AAK1: variants seen among roughly 807,000 people sequenced by gnomAD.
AAK1 encodes the protein AP2-associated protein kinase 1.
A neutral mutation model predicts 116.0 loss-of-function variants in AAK1; 37 were observed. That is an observed-to-expected ratio of 0.32 (90% CI 0.25 to 0.42). The LOEUF (loss-of-function observed/expected upper bound fraction) is 0.42. Ranked by LOEUF, AAK1 falls within the 10% of genes least tolerant of loss-of-function variation. AAK1 has a pLI of 1.00. For synonymous variants in AAK1, 458 were observed against 439.9 expected (o/e 1.04, Z -0.51); for missense variants, 919 against 1,170.6 (o/e 0.79, Z 3.14).
chr2:69,640,055 T>A (rs10168269), intron 2 of AAK1, among the ~76,000 whole-genome samples: 1,701 of 90,090 alleles, frequency 0.019, 14 homozygotes, highest in East Asian at 0.069. Context: ...ACACACACAC[T>A]CTCTCTCTCT....
chr2:69,600,807 T>C (rs575152586), intron 2 of AAK1, among the ~76,000 whole-genome samples: 1 of 152,306 alleles, frequency 6.6e-6, no homozygotes, highest in East Asian at 1.9e-4. Flanking sequence ...CTTCCTCTTC[T>C]TCATGAAAGG....
chr2:69,503,377 GT>G (rs1185439509), intron 16 of AAK1, among the ~76,000 whole-genome samples: 1 of 152,154 alleles, frequency 6.6e-6, no homozygotes, highest in Non-Finnish European at 1.5e-5. Flanking sequence ...TCTACATCTT[GT>G]AAAGAATACT....
intron 16 of AAK1, among the ~76,000 whole-genome samples, chr2:69,497,276 G>T (rs970168523): frequency 6.2e-5 from 9 of 146,014 alleles, no homozygotes; most frequent in Non-Finnish European, 8.9e-5. Flanking sequence ...ACCACCACAT[G>T]CAGCTTTACA....
chr2:69,538,523 T>G (rs1670571269), intron 5 of AAK1, among the ~76,000 whole-genome samples: 1 of 152,162 alleles, frequency 6.6e-6, no homozygotes, highest in East Asian at 1.9e-4. Flanking sequence ...GCTGGACAGG[T>G]GTTATTTACT....
chr2:69,467,061 T>A lies in AAK1; in HGVS notation c.*8808A>T, dbSNP rs149242188. ...TGTGGCTGCTTGATAAATGCAAGTT[T>A]ACTTGATGACTTACATCACAAGCAC... On this transcript the variant is annotated 3_prime_UTR_variant, in exon 22 of 22. Coordinates refer to ENST00000409085, the MANE Select transcript of AAK1 (RefSeq NM_014911.5). 7.3e-4 allele frequency: 722 copies of A among 985,444 alleles called. 9 individuals are homozygous for A. The East Asian group carries it at 0.034, about 47-fold the overall frequency. 61.0% of individuals were successfully genotyped at this position (985,444 alleles called of 1,614,324 possible).
At chr2:69,513,453 G>A (rs1301457211) in intron 13 of AAK1, among the ~76,000 whole-genome samples, 1 of 152,054 alleles carries the variant, frequency 6.6e-6, no homozygotes, top group Non-Finnish European at 1.5e-5. Context: ...CCGAGTAGCT[G>A]GGACTATAGG....
In AAK1 at chr2:69,480,918, C is replaced by T; in HGVS notation, c.2511G>A (p.Glu837=). Residue 837 remains glutamate, a synonymous_variant, in exon 19 of 22, where the codon GAG becomes GAA. Coordinates refer to ENST00000409085, the MANE Select transcript of AAK1 (RefSeq NM_014911.5). Reference sequence around the variant, plus strand: ...ATGGGAGGCGCTGGGGAACTGGGGGCTCCAGTCCTGGTATGAGACTCTCAA... The same window carrying T: ...ATGGGAGGCGCTGGGGAACTGGGGGTTCCAGTCCTGGTATGAGACTCTCAA... ...VAVESLIPGL[E]PPVPQRLPSQ... 1 of 1,607,516 alleles carries T rather than the reference C, an allele frequency of 6.2e-7. No individual in the cohort carries two copies. The highest frequency in any genetic ancestry group is 8.5e-7 in the Non-Finnish European group (1 of 1,177,590).
chr2:69,560,672 C>T (rs762275302), intron 2 of AAK1, among the ~76,000 whole-genome samples: 9 of 152,250 alleles, frequency 5.9e-5, no homozygotes, highest in African/African-American at 1.7e-4. Flanking sequence ...GAAGAAAACA[C>T]GTTTTCTCCC....
At chr2:69,531,017 A>T (rs574952620) in intron 6 of AAK1, among the ~76,000 whole-genome samples, 61 of 152,322 alleles carry the variant, frequency 4.0e-4, no homozygotes, top group African/African-American at 1.4e-3. Flanking sequence ...CAAAATTCTT[A>T]TACTGATACT....
At chr2:69,500,310 AAG>A (rs1675919218) in intron 16 of AAK1, 1 of 152,200 alleles carries the variant, frequency 6.6e-6, no homozygotes, top group Non-Finnish European at 1.5e-5. Flanking sequence ...CACTGCAAAC[AAG>A]AGAGAGGGGA....
Position 69,530,070 on chromosome 2 carries a change from C to T in AAK1, c.809G>A (p.Cys270Tyr). 1 of 1,610,302 alleles carries T rather than the reference C, an allele frequency of 6.2e-7. No individual in the cohort carries two copies. The highest frequency in any genetic ancestry group is 1.3e-5 in the African/African-American group (1 of 74,956). Residue 270 changes from cysteine (C) to tyrosine (Y), a missense_variant, in exon 8 of 22, where the codon TGT (cysteine) becomes TAT (tyrosine). Around this residue, in one of 4 missense-constraint regions of AAK1, gnomAD observed 317 missense variants for 490.4 expected, o/e 0.65. Coordinates refer to ENST00000409085, the MANE Select transcript of AAK1 (RefSeq NM_014911.5). ...ATCAGGAATTGTGAAGTTTCCATCA[C>T]AAATTGCCACCTGACTTTCCCCAAA... is the stretch of plus-strand genomic sequence containing the variant. The part of the protein sequence containing the change: ...LPFGESQVAI[C>Y]DGNFTIPDNS...
At chr2:69,605,302 T>C (rs779863669) in intron 2 of AAK1, among the ~76,000 whole-genome samples, 2 of 152,192 alleles carry the variant, frequency 1.3e-5, no homozygotes, top group Non-Finnish European at 2.9e-5. Flanking sequence ...GTTTTGTAAC[T>C]TCTGAAAAAG....
At chr2:69,640,053 A>ACACACACACTCTCT (rs1343518565) in intron 2 of AAK1, among the ~76,000 whole-genome samples, 2 of 92,742 alleles carry the variant, frequency 2.2e-5, no homozygotes, top group African/African-American at 9.8e-5. Flanking sequence ...ACACACACAC[A>ACACACACACTCTCT]CTCTCTCTCT....
intron 2 of AAK1, among the ~76,000 whole-genome samples, chr2:69,588,456 C>G (rs1269925998): frequency 6.6e-6 from 1 of 152,122 alleles, no homozygotes; most frequent in East Asian, 1.9e-4. Flanking sequence ...AAGAGTAAAC[C>G]CATTCCCTTA....
chr2:69,529,915 A>G (rs1006953802), intron 8 of AAK1, 93 bp downstream of exon 8: 15 of 1,128,008 alleles, frequency 1.3e-5, no homozygotes, highest in Non-Finnish European at 1.8e-5. Context: ...TTTGCATCTA[A>G]CTCATTACTC....
intron 16 of AAK1, among the ~76,000 whole-genome samples, chr2:69,502,827 T>C (rs1388347457): frequency 6.6e-6 from 1 of 152,196 alleles, no homozygotes; most frequent in Non-Finnish European, 1.5e-5. Flanking sequence ...ACATAGTCTC[T>C]TAGAAGTTAT....
chr2:69,624,538 G>A (rs1199130223), intron 2 of AAK1, among the ~76,000 whole-genome samples: 3 of 152,114 alleles, frequency 2.0e-5, no homozygotes, highest in Admixed American at 1.3e-4. Context: ...TGGGACTATG[G>A]GTAACACTTT....
chr2:69,620,879 A>G (rs79563634), intron 2 of AAK1, among the ~76,000 whole-genome samples: 1,582 of 152,324 alleles, frequency 0.01, 21 homozygotes, highest in African/African-American at 0.034. Context: ...GCTTCAAACA[A>G]ATCAATGCCA....
rs72895303 is a variant in AAK1 at position 69,492,876 on chromosome 2, C to T, written c.2365+3109G>A. 2.8e-3 allele frequency among the ~76,000 whole-genome samples: 428 copies of T among 151,842 alleles called. 3 individuals carry two copies. Among genetic ancestry groups the T allele is most frequent in the African/African-American group, 9.8e-3 (407 of 41,430 alleles). ...TGAGAGTAGAAGATGAGCATGTATG[C>T]AAAACAAAGAAAATCAGGCAAAAAA... On this transcript the variant is annotated intron_variant, in intron 17 of 21. Coordinates refer to ENST00000409085, the MANE Select transcript of AAK1 (RefSeq NM_014911.5).
Sources: allele counts gnomAD v4.1 joint callset (sites outside exome capture counted in the v4.1 genomes callset), GRCh38; gene constraint gnomAD v4.1.1; regional missense constraint gnomAD v4.1.1; transcripts MANE v1.5; gene names NCBI Gene and HGNC (gene_info 2026-07-23, HGNC 2026-07-21).